NRP2: variants seen among roughly 807,000 people sequenced by gnomAD.
NRP2 encodes the protein neuropilin 2.
In NRP2, 52 loss-of-function variants were observed where a neutral mutation model predicts 110.4. That is an observed-to-expected ratio of 0.47 (90% CI 0.38 to 0.59). NRP2 has a LOEUF of 0.59. Among genes scored for constraint, NRP2 ranks in the 20% least tolerant of loss-of-function variants. NRP2 has a pLI of 0.00. For missense variants in NRP2, 1,049 were observed against 1,203.0 expected, an observed-to-expected ratio of 0.87 and a Z score of 1.89; for synonymous variants, 508 against 468.9, an observed-to-expected ratio of 1.08 and a Z score of -1.08.
At chr2:205,779,142 T>TATGA (rs551688271) in intron 15 of NRP2, 5 of 152,210 alleles carry the variant, frequency 3.3e-5, no homozygotes, top group Non-Finnish European at 7.3e-5. Flanking sequence ...ACTATTAAAA[T>TATGA]ATGAATGAAT....
chr2:205,762,790 C>T (rs1360209825), intron 12 of NRP2, among the ~76,000 whole-genome samples: 1 of 152,190 alleles, frequency 6.6e-6, no homozygotes, highest in Non-Finnish European at 1.5e-5. Flanking sequence ...CTGTGTTCTG[C>T]AAGGCACGTA....
At chr2:205,736,811 A>T (rs2057351544) in intron 7 of NRP2, among the ~76,000 whole-genome samples, 2 of 152,200 alleles carry the variant, frequency 1.3e-5, no homozygotes, top group Admixed American at 6.5e-5. Context: ...ACAACCCCTT[A>T]CCTTGCAATG....
At chr2:205,683,919 G>A (rs1175804830) in intron 1 of NRP2, among the ~76,000 whole-genome samples, 1 of 152,196 alleles carries the variant, frequency 6.6e-6, no homozygotes, top group African/African-American at 2.4e-5. Context: ...AAGTTGGCTT[G>A]TGGCTGAGAT....
At position 205,683,076 on chromosome 2, in the gene NRP2, CTT is replaced by C; in HGVS notation, c.-213_-212del. On this transcript the variant is annotated 5_prime_UTR_variant, in exon 1 of 17. It removes the in-frame stop codon of an upstream open reading frame in the 5' UTR. Coordinates refer to ENST00000357785, the MANE Select transcript of NRP2 (RefSeq NM_003872.3). ...GTGTTCTCTTCCCGGCTTGTTCCCTCTTTGCTGATTTCAGGAGCTACTCTCCT... is the reference window on the plus strand; with the variant it reads ...GTGTTCTCTTCCCGGCTTGTTCCCTCTGCTGATTTCAGGAGCTACTCTCCT... 1.7e-6 allele frequency: 1 copy of C among 580,522 alleles called. No individual in the cohort carries two copies. The highest frequency in any genetic ancestry group is 2.9e-5 in the East Asian group (1 of 34,360). 36.0% of individuals were successfully genotyped at this position (580,522 alleles called of 1,614,324 possible). A position where few individuals can be genotyped will look rare whatever the true frequency, so the allele number is the denominator to read the frequency against.
chr2:205,721,850 T>C lies in NRP2; in HGVS notation c.434-628T>C, dbSNP rs2057019458. ...TCCACCAGCTAAAAACATCGATTGT[T>C]AATTGTCCGACCACTACAGAGCAGC... On this transcript the variant is annotated intron_variant, in intron 3 of 16. Transcript: ENST00000357785. Among the ~76,000 whole-genome samples, 3 of 152,176 alleles carry C rather than the reference T, an allele frequency of 2.0e-5. No homozygotes were observed. In the South Asian group the frequency reaches 6.2e-4, roughly 32 times the overall value.
intron 14 of NRP2, 87 bp downstream of exon 14, chr2:205,765,657 A>G (rs2057904455): frequency 8.7e-7 from 1 of 1,146,854 alleles, no homozygotes; most frequent in Non-Finnish European, 1.3e-6. Flanking sequence ...ACCATTTTCC[A>G]ATGCAGTCGT....
At position 205,795,158 on chromosome 2, in the gene NRP2, A is replaced by G. The variant is rs2058341168; in HGVS notation, c.*100A>G. 8.6e-7 allele frequency: 1 copy of G among 1,161,510 alleles called. No individual in the cohort carries two copies. Among genetic ancestry groups the G allele is most frequent in the Admixed American group, 2.0e-5 (1 of 50,594 alleles). 72.0% of individuals were successfully genotyped at this position (1,161,510 alleles called of 1,614,324 possible). A position where few individuals can be genotyped will look rare whatever the true frequency, so the allele number is the denominator to read the frequency against. Reference sequence around the variant, plus strand: ...TTGGAAACTGAATGCCATAATCTCGATCAAACCGATCCAGAATACCGAAGG... The same window carrying G: ...TTGGAAACTGAATGCCATAATCTCGGTCAAACCGATCCAGAATACCGAAGG... On this transcript the variant is annotated 3_prime_UTR_variant, in exon 17 of 17. Transcript: ENST00000357785.
At chr2:205,714,030 T>C (rs2056847632) in intron 2 of NRP2, among the ~76,000 whole-genome samples, 1 of 152,226 alleles carries the variant, frequency 6.6e-6, no homozygotes, top group African/African-American at 2.4e-5. Flanking sequence ...ACAGGGTCGC[T>C]TCTGCTCTGT....
chr2:205,767,042 A>G, intron 15 of NRP2: 1 of 586,634 alleles, frequency 1.7e-6, no homozygotes, highest in Non-Finnish European at 3.0e-6. Flanking sequence ...ATAGAGACAA[A>G]TAGGTTACAG....
intron 12 of NRP2, among the ~76,000 whole-genome samples, chr2:205,758,922 G>A (rs1025102491): frequency 1.3e-5 from 2 of 150,386 alleles, no homozygotes; most frequent in Admixed American, 6.6e-5. Flanking sequence ...GTAGCCCCCC[G>A]CCCCCACCAT....
In NRP2 at chr2:205,797,619, A is replaced by G. The variant is rs9706; in HGVS notation, c.*2561A>G. 0.39 allele frequency: 59,216 copies of G among 152,398 alleles called. 12,087 individuals are homozygous for G. Among genetic ancestry groups the G allele is most frequent in the South Asian group, 0.61 (2,929 of 4,818 alleles). The allele number at this position is 152,398 out of a possible 1,614,324, so 9.4% of individuals were successfully genotyped here. A position where few individuals can be genotyped will look rare whatever the true frequency, so the allele number is the denominator to read the frequency against. On this transcript the variant is annotated 3_prime_UTR_variant, in exon 17 of 17. Transcript: ENST00000357785. Reference sequence around the variant, plus strand: ...CACCAAGGCTGGAGGCTGGTCTGTCATAAGACAGAAAGAAAGACGCTGGGC... The same window carrying G: ...CACCAAGGCTGGAGGCTGGTCTGTCGTAAGACAGAAAGAAAGACGCTGGGC...
chr2:205,715,421 C>G (rs139383132), intron 2 of NRP2, among the ~76,000 whole-genome samples: 1 of 152,152 alleles, frequency 6.6e-6, no homozygotes, highest in South Asian at 2.1e-4. Context: ...GTTGTGTGCA[C>G]GTAGACAGTG....
At position 205,740,669 on chromosome 2, in the gene NRP2, G is replaced by A. The variant is rs750026597; in HGVS notation, c.1291+6G>A. 1 of 1,614,010 alleles carries A rather than the reference G, an allele frequency of 6.2e-7. No homozygotes were observed. Among genetic ancestry groups the A allele is most frequent in the African/African-American group, 1.3e-5 (1 of 75,048 alleles). On this transcript the variant is annotated splice_donor_region_variant and intron_variant, in intron 8 of 16. Coordinates refer to ENST00000357785, the MANE Select transcript of NRP2 (RefSeq NM_003872.3). The stretch of plus-strand genomic sequence containing the variant: ...CTTCGGCTGCCGGGTCACAGGTGAG[G>A]TGGGGGCTCCAATGAGGTTGGGGTG...
chr2:205,734,295 C>A (rs1296197792), intron 7 of NRP2, among the ~76,000 whole-genome samples: 3 of 151,776 alleles, frequency 2.0e-5, no homozygotes, highest in African/African-American at 7.3e-5. Context: ...AGCTTTAAAA[C>A]AAGTTTTTAA....
At chr2:205,719,083 GA>G (rs2056960182) in intron 3 of NRP2, among the ~76,000 whole-genome samples, 1 of 152,206 alleles carries the variant, frequency 6.6e-6, no homozygotes, top group African/African-American at 2.4e-5. Context: ...AGTCAGGAGA[GA>G]AAATATACAA....
In NRP2 at chr2:205,795,392, A is replaced by ATTATTATG. The variant is rs1289338058; in HGVS notation, c.*336_*337insATTATGTT. 2 of 96,404 alleles carry ATTATTATG rather than the reference A, an allele frequency of 2.1e-5. No homozygotes were observed. The highest frequency in any genetic ancestry group is 6.7e-4 in the East Asian group (2 of 2,992). The allele number at this position is 96,404 out of a possible 1,614,324, so 6.0% of individuals were successfully genotyped here. On this transcript the variant is annotated 3_prime_UTR_variant, in exon 17 of 17. Transcript: ENST00000357785. ...TTATTATTATTATTATTATTATTATATTTTATTTCTTTGGTCTGTGAGCAA... is the reference window on the plus strand; with the variant it reads ...TTATTATTATTATTATTATTATTATATTATTATGTTTTATTTCTTTGGTCTGTGAGCAA...
intron 15 of NRP2, among the ~76,000 whole-genome samples, chr2:205,771,552 C>T (rs953773958): frequency 6.6e-6 from 1 of 152,224 alleles, no homozygotes; most frequent in African/African-American, 2.4e-5. Context: ...TTTCAAAACA[C>T]TTCTTCTGGA....
At position 205,752,875 on chromosome 2, in the gene NRP2, C is replaced by G; in HGVS notation, c.1944C>G (p.Phe648Leu). 1 of 1,614,194 alleles carries G rather than the reference C, an allele frequency of 6.2e-7. No homozygotes were observed. Among genetic ancestry groups the G allele is most frequent in the Non-Finnish European group, 8.5e-7 (1 of 1,180,034 alleles). Residue 648 changes from phenylalanine to leucine, a missense_variant, in exon 12 of 17, where the codon TTC (phenylalanine) becomes TTG (leucine). Phe to Leu is a conservative substitution (Grantham distance 22). Transcript: ENST00000357785. Reference protein sequence around the residue: ...LQLPSGFNCNFDFLEEPCGWM... With the variant: ...LQLPSGFNCNLDFLEEPCGWM... ...TCCCTTCGGGATTCAATTGCAACTT[C>G]GATTTCCTCGAGGAGCCCTGTGGTT...
chr2:205,739,748 A>G (rs2057408256), intron 7 of NRP2, among the ~76,000 whole-genome samples: 2 of 140,070 alleles, frequency 1.4e-5, no homozygotes, highest in South Asian at 4.5e-4. Flanking sequence ...GCAGTTATTG[A>G]TCTGGGCCAT....
Sources: gnomAD v4.1 joint callset for allele counts (sites outside exome capture counted in the v4.1 genomes callset) on GRCh38, gnomAD v4.1.1 for gene constraint, MANE v1.5 for transcripts, NCBI Gene and HGNC (gene_info 2026-07-23, HGNC 2026-07-21) for gene names.